The following ABL1 variants were observed in gnomAD, a reference collection of about 807,000 sequenced individuals.
ABL1 encodes the protein tyrosine-protein kinase ABL1.
A neutral mutation model predicts 94.7 loss-of-function variants in ABL1; 11 were observed. That is an observed-to-expected ratio of 0.12 (90% CI 0.07 to 0.19). The LOEUF (loss-of-function observed/expected upper bound fraction) is 0.19, where lower values mean the gene tolerates loss of function less well. ABL1 is among the 10% of genes least tolerant of loss of function. The pLI, the probability that ABL1 is intolerant of heterozygous loss-of-function variation, is 1.00. For missense variants in ABL1, 1,082 were observed against 1,489.4 expected, an observed-to-expected ratio of 0.73 and a Z score of 4.50; for synonymous variants, 656 against 622.4, an observed-to-expected ratio of 1.05 and a Z score of -0.80.
intron 3 of ABL1, among the ~76,000 whole-genome samples, chr9:130,860,757 C>T (rs2132969062): frequency 6.6e-6 from 1 of 152,308 alleles, no homozygotes; most frequent in Non-Finnish European, 1.5e-5. Context: ...GTAGGGAGCA[C>T]ATCATCAGCT....
At chr9:130,875,079 G>T in intron 7 of ABL1, 27 bp downstream of exon 7, 2 of 1,610,594 alleles carry the variant, frequency 1.2e-6, no homozygotes, top group Non-Finnish European at 1.7e-6. Flanking sequence ...CACTGAAGTG[G>T]TCCTTCCTGA....
rs187850773 is a variant in ABL1 at position 130,732,733 on chromosome 9, C to T, written c.136+18278C>T. Among the ~76,000 whole-genome samples the T allele has an allele frequency of 5.3e-3, 805 of 151,630 alleles. 11 individuals are homozygous for T. Among genetic ancestry groups the T allele is most frequent in the Non-Finnish European group, 6.3e-3 (427 of 67,956 alleles). ...AATCCCGGGGGTCTGGTGGATCCCA[C>T]GCATTTTAGGATGTATATGGGAAGC... On this transcript the variant is annotated intron_variant, in intron 1 of 10. Coordinates refer to the ABL1 transcript ENST00000372348.
chr9:130,859,042 A>G (rs949218950), intron 3 of ABL1, among the ~76,000 whole-genome samples: 2 of 152,086 alleles, frequency 1.3e-5, no homozygotes, highest in African/African-American at 4.8e-5. Flanking sequence ...AGGCTCAAAC[A>G]TCTCTGGGTA....
intron 3 of ABL1, among the ~76,000 whole-genome samples, chr9:130,859,472 C>T (rs1227504669): frequency 6.6e-6 from 1 of 151,708 alleles, no homozygotes; most frequent in Non-Finnish European, 1.5e-5. Flanking sequence ...GGGCTTTGGA[C>T]CGTTCTTGTG....
chr9:130,758,952 C>A (rs750043194), intron 1 of ABL1, among the ~76,000 whole-genome samples: 6 of 152,156 alleles, frequency 3.9e-5, no homozygotes, highest in Non-Finnish European at 7.3e-5. Flanking sequence ...CAAGCTGTGA[C>A]CATGACCTTT....
intron 1 of ABL1, among the ~76,000 whole-genome samples, chr9:130,819,892 T>G (rs970685614): frequency 6.6e-6 from 1 of 151,686 alleles, no homozygotes; most frequent in Non-Finnish European, 1.5e-5. Context: ...TTTCTGCTTC[T>G]ACTTTGCTGT....
rs5900905 is a variant in ABL1 at position 130,762,909 on chromosome 9, CAAAAAAAAAA to C, written c.136+48462_136+48471del. ...CTGGTGACAGAGCGAGACTCCGTCTCAAAAAAAAAAAAAAAAAGAAAAGGAAACCTGAATA... is the reference window on the plus strand; with the variant it reads ...CTGGTGACAGAGCGAGACTCCGTCTCAAAAAAAGAAAAGGAAACCTGAATA... On this transcript the variant is annotated intron_variant, in intron 1 of 10. Transcript: ENST00000372348. Among the ~76,000 whole-genome samples, 12 of 92,882 alleles carry C rather than the reference CAAAAAAAAAA, an allele frequency of 1.3e-4. No individual in the cohort carries two copies. The Admixed American group carries it at 1.3e-3, about 10-fold the overall frequency. 60.9% of individuals were successfully genotyped at this position (92,882 alleles called of 152,430 possible). A position where few individuals can be genotyped will look rare whatever the true frequency, so the allele number is the denominator to read the frequency against.
In ABL1 at chr9:130,714,735, A is replaced by G. The variant is rs536671790; in HGVS notation, c.136+280A>G. ...AGCCACTTTACTGTTCCAGGGCTTT[A>G]GTTTCCTGAGGGGCTGGACTTCAGT... is the stretch of plus-strand genomic sequence containing the variant. On this transcript the variant is annotated intron_variant, in intron 1 of 10. Transcript: ENST00000372348. 4.6e-5 allele frequency among the ~76,000 whole-genome samples: 7 copies of G among 152,270 alleles called. No individual in the cohort carries two copies. In the East Asian group the frequency reaches 1.4e-3, roughly 29 times the overall value.
intron 1 of ABL1, among the ~76,000 whole-genome samples, chr9:130,764,171 C>T (rs1276078258): frequency 6.6e-6 from 1 of 152,058 alleles, no homozygotes; most frequent in East Asian, 1.9e-4. Context: ...GTCAGAGAGG[C>T]CAGGACACAC....
chr9:130,873,348 G>A (rs1024803585), intron 6 of ABL1, among the ~76,000 whole-genome samples: 5 of 152,204 alleles, frequency 3.3e-5, no homozygotes, highest in African/African-American at 4.8e-5. Context: ...CATAAAAGGC[G>A]TCCTTCCTAA....
chr9:130,805,034 T>C (rs1313257469), intron 1 of ABL1, among the ~76,000 whole-genome samples: 2 of 152,226 alleles, frequency 1.3e-5, no homozygotes, highest in Non-Finnish European at 2.9e-5. Flanking sequence ...AATATGTCTT[T>C]TAAGTGAATA....
At chr9:130,737,895 A>G (rs894195896) in intron 1 of ABL1, among the ~76,000 whole-genome samples, 1 of 150,664 alleles carries the variant, frequency 6.6e-6, no homozygotes, top group Non-Finnish European at 1.5e-5. Context: ...CAGTGGCACA[A>G]TCTCGGCTCA....
intron 1 of ABL1, among the ~76,000 whole-genome samples, chr9:130,847,594 C>G (rs181573074): frequency 6.6e-6 from 1 of 152,222 alleles, no homozygotes; most frequent in East Asian, 1.9e-4. Flanking sequence ...TTGACATCAG[C>G]CTGGATTGGG....
chr9:130,719,175 T>C (rs1431664481), intron 1 of ABL1, among the ~76,000 whole-genome samples: 1 of 152,152 alleles, frequency 6.6e-6, no homozygotes, highest in Non-Finnish European at 1.5e-5. Flanking sequence ...GTTTGTGTGA[T>C]GTTCCAAGTG....
intron 1 of ABL1, among the ~76,000 whole-genome samples, chr9:130,729,723 G>T (rs913323094): frequency 2.0e-5 from 3 of 151,210 alleles, no homozygotes; most frequent in Non-Finnish European, 4.4e-5. Context: ...AGAAGCAGAA[G>T]TTCAATTCTG....
At chr9:130,789,764 C>T (rs1222812711) in intron 1 of ABL1, among the ~76,000 whole-genome samples, 3 of 152,118 alleles carry the variant, frequency 2.0e-5, no homozygotes, top group Non-Finnish European at 2.9e-5. Context: ...AAGTAAAAAG[C>T]ATAATCATTG....
chr9:130,759,013 G>A (rs2313529), intron 1 of ABL1, among the ~76,000 whole-genome samples: 36,338 of 152,010 alleles, frequency 0.24, 5,837 homozygotes, highest in East Asian at 0.52. Flanking sequence ...CTTTCGGTCC[G>A]AACACTGAGC....
rs370235043 is a variant in ABL1, at chr9:130,880,053, G to A, written c.1424-15G>A. On this transcript the variant is annotated splice_polypyrimidine_tract_variant and intron_variant, in intron 8 of 10. Coordinates refer to ENST00000318560, the MANE Select transcript of ABL1 (RefSeq NM_005157.6). The surrounding 1 kb of genome is among the most constrained non-coding windows in gnomAD (Gnocchi z 4.4). ...AGATCTCATGGATGATCTGACTTGG[G>A]TTTCATCTGTCCAGGTTGGCAGTGG... The A allele has an allele frequency of 1.2e-5, 19 of 1,613,508 alleles. No homozygotes were observed. The highest frequency in any genetic ancestry group is 1.4e-5 in the Non-Finnish European group (17 of 1,179,538).
chr9:130,733,781 G>C (rs1224135493), intron 1 of ABL1, among the ~76,000 whole-genome samples: 4 of 151,852 alleles, frequency 2.6e-5, no homozygotes, highest in African/African-American at 9.7e-5. Context: ...TAGTAGAGAT[G>C]GGGTTTCACC....
Sources: allele counts gnomAD v4.1 joint callset (sites outside exome capture counted in the v4.1 genomes callset), GRCh38; gene constraint gnomAD v4.1.1; non-coding constraint Gnocchi (gnomAD v3.1); transcripts MANE v1.5; gene names NCBI Gene and HGNC (gene_info 2026-07-23, HGNC 2026-07-21).